The following AGBL4 variants were observed in gnomAD, a reference collection of about 807,000 sequenced individuals.
AGBL4 encodes AGBL carboxypeptidase 4.
AGBL4 carries 58 observed loss-of-function variants against 66.4 expected under a neutral mutation model. The ratio of observed to expected loss-of-function variants is 0.87; its 90% CI spans 0.71 to 1.09. The LOEUF (loss-of-function observed/expected upper bound fraction) is 1.09. AGBL4 is among the 50% of genes least tolerant of loss of function. The pLI is 0.00. For missense variants in AGBL4, 579 were observed against 631.0 expected, an observed-to-expected ratio of 0.92 and a Z score of 0.88; for synonymous variants, 234 against 222.9, an observed-to-expected ratio of 1.05 and a Z score of -0.44.
At chr1:49,324,627 G>A (rs1297991232) in intron 3 of AGBL4, among the ~76,000 whole-genome samples, 6 of 152,176 alleles carry the variant, frequency 3.9e-5, no homozygotes, top group African/African-American at 1.2e-4. Context: ...GTATCTAGGA[G>A]TGACCTTCAG....
intron 3 of AGBL4, among the ~76,000 whole-genome samples, chr1:49,655,873 G>T (rs914501309): frequency 3.3e-5 from 5 of 152,198 alleles, no homozygotes; most frequent in Admixed American, 6.5e-5. Flanking sequence ...GGGGTGCTGG[G>T]CGTGGTGGCT....
chr1:48,571,118 C>T (rs1446367540), intron 11 of AGBL4, among the ~76,000 whole-genome samples: 1 of 152,218 alleles, frequency 6.6e-6, no homozygotes, highest in Non-Finnish European at 1.5e-5. Context: ...TTAATTCTCA[C>T]CACAACCCTG....
At chr1:49,504,357 G>A (rs902089524) in intron 3 of AGBL4, among the ~76,000 whole-genome samples, 2 of 152,062 alleles carry the variant, frequency 1.3e-5, no homozygotes, top group Admixed American at 1.3e-4. Context: ...GTGTGAGAAT[G>A]GACTAATAGT....
At chr1:48,796,087 G>A (rs1006360120) in intron 6 of AGBL4, among the ~76,000 whole-genome samples, 27 of 152,152 alleles carry the variant, frequency 1.8e-4, no homozygotes, top group African/African-American at 6.5e-4. Context: ...TTACTTATAG[G>A]TATTCACATA....
chr1:49,588,226 G>T (rs1389783863), intron 3 of AGBL4, among the ~76,000 whole-genome samples: 1 of 152,092 alleles, frequency 6.6e-6, no homozygotes, highest in African/African-American at 2.4e-5. Flanking sequence ...TGCTTCCTCA[G>T]TTATAATACA....
At chr1:48,912,410 A>G (rs1157164037) in intron 5 of AGBL4, among the ~76,000 whole-genome samples, 2 of 152,166 alleles carry the variant, frequency 1.3e-5, no homozygotes, top group African/African-American at 4.8e-5. Flanking sequence ...AGATTGCTAG[A>G]GGGAGAGTGT....
intron 5 of AGBL4, among the ~76,000 whole-genome samples, chr1:49,010,157 A>G (rs1415212172): frequency 1.3e-5 from 2 of 152,052 alleles, no homozygotes; most frequent in East Asian, 3.9e-4. Context: ...AATCTCCTTA[A>G]GCTGATAAGC....
At chr1:49,407,643 G>A (rs1367044971) in intron 3 of AGBL4, among the ~76,000 whole-genome samples, 1 of 151,696 alleles carries the variant, frequency 6.6e-6, no homozygotes, top group Non-Finnish European at 1.5e-5. Flanking sequence ...TCTCACAAAG[G>A]AAACAAATGA....
chr1:48,558,691 G>T (rs1477882582), intron 11 of AGBL4, among the ~76,000 whole-genome samples: 2 of 152,250 alleles, frequency 1.3e-5, no homozygotes, highest in African/African-American at 4.8e-5. Context: ...CAATGCCCAA[G>T]AAACAGTGCT....
At chr1:49,942,979 A>G (rs1406028461) in intron 1 of AGBL4, among the ~76,000 whole-genome samples, 1 of 152,170 alleles carries the variant, frequency 6.6e-6, no homozygotes, top group East Asian at 1.9e-4. Context: ...AATAGAAATA[A>G]CCATTTTCAA....
chr1:48,628,658 T>A (rs1645543548), intron 9 of AGBL4, among the ~76,000 whole-genome samples: 1 of 152,134 alleles, frequency 6.6e-6, no homozygotes, highest in Admixed American at 6.5e-5. Flanking sequence ...GCCCAGAAGC[T>A]GAGGTCTTCC....
At chr1:49,107,506 G>A (rs1355397035) in intron 4 of AGBL4, among the ~76,000 whole-genome samples, 1 of 152,124 alleles carries the variant, frequency 6.6e-6, no homozygotes, top group Non-Finnish European at 1.5e-5. Context: ...GATGTCTTAA[G>A]AGCAGGTGTG....
chr1:48,852,757 T>G (rs1210831624), intron 6 of AGBL4, among the ~76,000 whole-genome samples: 1 of 152,100 alleles, frequency 6.6e-6, no homozygotes, highest in Non-Finnish European at 1.5e-5. Flanking sequence ...TTAATACCTT[T>G]CTCCAAAATC....
intron 1 of AGBL4, among the ~76,000 whole-genome samples, chr1:49,908,221 T>G (rs1479091489): frequency 6.6e-6 from 1 of 151,828 alleles, no homozygotes; most frequent in Non-Finnish European, 1.5e-5. Context: ...CTAAGCTTTT[T>G]TTAATTAGCC....
At chr1:49,109,999 C>T (rs1228339839) in intron 4 of AGBL4, among the ~76,000 whole-genome samples, 1 of 152,200 alleles carries the variant, frequency 6.6e-6, no homozygotes, top group East Asian at 1.9e-4. Flanking sequence ...CACACACATT[C>T]TACCCTGTCT....
intron 3 of AGBL4, among the ~76,000 whole-genome samples, chr1:49,652,823 C>T (rs1265970978): frequency 6.6e-6 from 1 of 152,276 alleles, no homozygotes; most frequent in Admixed American, 6.5e-5. Context: ...ACTCTGATAT[C>T]CCTGAGAGAA....
chr1:49,091,327 G>A (rs1644999564), intron 4 of AGBL4, among the ~76,000 whole-genome samples: 2 of 152,166 alleles, frequency 1.3e-5, no homozygotes, highest in East Asian at 3.9e-4. Flanking sequence ...TGCAAACTAT[G>A]CATCCAACAA....
chr1:49,964,945 A>T (rs939352691), intron 1 of AGBL4, among the ~76,000 whole-genome samples: 1 of 152,200 alleles, frequency 6.6e-6, no homozygotes, highest in African/African-American at 2.4e-5. Flanking sequence ...AACATATTTT[A>T]TTATAAAGAA....
At chr1:48,748,307 C>T (rs990463875) in intron 6 of AGBL4, among the ~76,000 whole-genome samples, 6 of 152,174 alleles carry the variant, frequency 3.9e-5, no homozygotes, top group African/African-American at 1.4e-4. Context: ...TGTTTCTTAG[C>T]CCCATTAGTC....
Sources: gnomAD v4.1 joint callset for allele counts (sites outside exome capture counted in the v4.1 genomes callset) on GRCh38, gnomAD v4.1.1 for gene constraint, MANE v1.5 for transcripts, NCBI Gene and HGNC (gene_info 2026-07-23, HGNC 2026-07-21) for gene names.